ENPP3: variants seen among roughly 807,000 people sequenced by gnomAD.
ENPP3 encodes the protein ectonucleotide pyrophosphatase/phosphodiesterase 3, also known as ectonucleotide pyrophosphatase/phosphodiesterase family member 3.
In ENPP3, 104 loss-of-function variants were observed where a neutral mutation model predicts 117.8. The ratio of observed to expected loss-of-function variants is 0.88; its 90% CI spans 0.75 to 1.04. ENPP3 has a LOEUF of 1.04. ENPP3 is among the 50% of genes least tolerant of loss of function. The pLI, the probability that ENPP3 is intolerant of heterozygous loss-of-function variation, is 0.00. For missense variants in ENPP3, 1,026 were observed against 1,051.9 expected (o/e 0.98, Z 0.34); for synonymous variants, 380 against 349.9 (o/e 1.09, Z -0.96).
intron 2 of ENPP3, among the ~76,000 whole-genome samples, chr6:131,644,629 C>T (rs1185024958): frequency 1.3e-5 from 2 of 152,112 alleles, no homozygotes; most frequent in Non-Finnish European, 2.9e-5. Flanking sequence ...AAATCAGGAG[C>T]TCAGTTTTGG....
intron 24 of ENPP3, among the ~76,000 whole-genome samples, chr6:131,742,805 T>C (rs1181784407): frequency 6.6e-6 from 1 of 152,182 alleles, no homozygotes; most frequent in African/African-American, 2.4e-5. Context: ...TAGAATTTCA[T>C]TCTTTTCCAT....
At chr6:131,723,335 A>T (rs901971073) in intron 18 of ENPP3, among the ~76,000 whole-genome samples, 4 of 152,200 alleles carry the variant, frequency 2.6e-5, no homozygotes, top group African/African-American at 9.6e-5. Context: ...CTCAATGAAG[A>T]TCAAATCCAC....
intron 21 of ENPP3, among the ~76,000 whole-genome samples, chr6:131,734,071 C>T (rs111929614): frequency 2.0e-4 from 30 of 152,250 alleles, no homozygotes; most frequent in African/African-American, 6.7e-4. Flanking sequence ...CTGGAGAATA[C>T]AGCTGTGCCC....
intron 21 of ENPP3, among the ~76,000 whole-genome samples, chr6:131,734,624 C>T (rs1211374664): frequency 1.3e-5 from 2 of 151,968 alleles, no homozygotes; most frequent in African/African-American, 2.4e-5. Flanking sequence ...AGGCTGGGTG[C>T]GGTGGCTCAC....
At chr6:131,738,758 C>T (rs1780458394) in intron 23 of ENPP3, among the ~76,000 whole-genome samples, 1 of 152,150 alleles carries the variant, frequency 6.6e-6, no homozygotes, top group Non-Finnish European at 1.5e-5. Context: ...GAAGTTTCAT[C>T]TACCATTTCT....
rs73552679 is a variant in ENPP3, at chr6:131,688,059, G to A, written c.1284+2152G>A. The stretch of plus-strand genomic sequence containing the variant: ...CAGCATGTGCCCGCTTCATGTGTCT[G>A]TGTCACCTTTTGTTAATTCTCACAG... On this transcript the variant is annotated intron_variant, in intron 14 of 24. Transcript: ENST00000357639. Among the ~76,000 whole-genome samples the A allele has an allele frequency of 8.5e-3, 1,298 of 152,220 alleles. 19 individuals carry two copies. Among genetic ancestry groups the A allele is most frequent in the African/African-American group, 0.03 (1,240 of 41,538 alleles).
At chr6:131,668,332 C>CG (rs371810010) in intron 6 of ENPP3, among the ~76,000 whole-genome samples, 2 of 147,608 alleles carry the variant, frequency 1.4e-5, no homozygotes, top group African/African-American at 4.9e-5. Context: ...CCTGTCTCGC[C>CG]CCCCCCTGAG....
intron 14 of ENPP3, among the ~76,000 whole-genome samples, chr6:131,689,266 AG>A (rs1779226418): frequency 6.6e-6 from 1 of 152,216 alleles, no homozygotes. Context: ...GATGCCATCT[AG>A]GACTTTCATA....
chr6:131,738,451 G>A (rs562554326), intron 23 of ENPP3, among the ~76,000 whole-genome samples: 2 of 152,030 alleles, frequency 1.3e-5, no homozygotes, highest in South Asian at 4.1e-4. Flanking sequence ...GGCTAAGGAG[G>A]TAGACAAAAC....
chr6:131,717,433 T>G (rs1343345304), intron 15 of ENPP3, among the ~76,000 whole-genome samples: 127 of 100,034 alleles, frequency 1.3e-3, no homozygotes, highest in African/African-American at 4.5e-3. Context: ...GAGGTGAGGG[T>G]GGGGAAGAAA....
chr6:131,647,316 TATA>T (rs1397589066), intron 2 of ENPP3, among the ~76,000 whole-genome samples: 1 of 152,222 alleles, frequency 6.6e-6, no homozygotes, highest in African/African-American at 2.4e-5. Flanking sequence ...CAGAAATGCT[TATA>T]ATGTTATTTT....
Position 131,740,344 on chromosome 6 carries a change from C to G in ENPP3, c.2421C>G (p.Ile807Met). 2 of 1,611,758 alleles carry G rather than the reference C, an allele frequency of 1.2e-6. No homozygotes were observed. The highest frequency in any genetic ancestry group is 3.4e-5 in the Admixed American group (2 of 59,694). Residue 807 changes from isoleucine (I) to methionine (M), a missense_variant, in exon 24 of 25, where the codon ATC (isoleucine) becomes ATG (methionine). Ile to Met is a conservative substitution (Grantham distance 10). Transcript: ENST00000357639. ...GGTGGCTGGATGTCCTACCCTTTATCATCCCTCACCGACCTACCAACGTGG... is the reference window on the plus strand; with the variant it reads ...GGTGGCTGGATGTCCTACCCTTTATGATCCCTCACCGACCTACCAACGTGG... Reference protein sequence around the residue: ...CPGWLDVLPFIIPHRPTNVES... With the variant: ...CPGWLDVLPFMIPHRPTNVES...
intron 10 of ENPP3, 60 bp downstream of exon 10, chr6:131,676,861 G>GA: frequency 1.2e-6 from 1 of 865,056 alleles, no homozygotes. Context: ...AAAAAATGAA[G>GA]TTTTTTTTTT....
intron 18 of ENPP3, among the ~76,000 whole-genome samples, chr6:131,723,827 T>TCACACACA (rs1554268188): frequency 5.1e-4 from 75 of 145,944 alleles, no homozygotes; most frequent in African/African-American, 1.6e-3. Flanking sequence ...TCTCTCTCTC[T>TCACACACA]CACACACACA....
chr6:131,725,054 CAAAAAA>C (rs34304450), intron 19 of ENPP3, among the ~76,000 whole-genome samples: 1 of 87,392 alleles, frequency 1.1e-5, no homozygotes, highest in Non-Finnish European at 3.0e-5. Flanking sequence ...ACTAAAAATA[CAAAAAA>C]AAAAAAAAAA....
At chr6:131,665,006 GATC>G (rs1288779407) in intron 6 of ENPP3, among the ~76,000 whole-genome samples, 8 of 152,092 alleles carry the variant, frequency 5.3e-5, no homozygotes, top group African/African-American at 1.4e-4. Flanking sequence ...CTATTGAAAT[GATC>G]ATGTAATTTT....
Position 131,720,346 on chromosome 6 carries a change from T to C in ENPP3, c.1534T>C (p.Phe512Leu). 1 of 1,597,812 alleles carries C rather than the reference T, an allele frequency of 6.3e-7. No individual in the cohort carries two copies. The highest frequency in any genetic ancestry group is 8.5e-7 in the Non-Finnish European group (1 of 1,170,204). Residue 512 changes from phenylalanine (F) to leucine (L), a missense_variant, in exon 17 of 25, where the codon TTT (phenylalanine) becomes CTT (leucine). Physicochemically the swap from Phe to Leu is conservative, Grantham distance 22 (BLOSUM62 0). Coordinates refer to ENST00000357639, the MANE Select transcript of ENPP3 (RefSeq NM_005021.5). Reference protein sequence around the residue: ...SFKEKTEVEPFENIEVYNLMC... With the variant: ...SFKEKTEVEPLENIEVYNLMC... The stretch of plus-strand genomic sequence containing the variant: ...TAAAGAGAAGACTGAAGTTGAACCA[T>C]TTGAAAATATTGAAGTCTATAACCT...
chr6:131,642,247 G>A (rs1678480276), intron 2 of ENPP3, among the ~76,000 whole-genome samples: 1 of 151,948 alleles, frequency 6.6e-6, no homozygotes, highest in Non-Finnish European at 1.5e-5. Context: ...CCACCACCCT[G>A]TACCTTGACA....
chr6:131,647,919 G>A (rs1347760848), intron 2 of ENPP3, among the ~76,000 whole-genome samples: 1 of 151,940 alleles, frequency 6.6e-6, no homozygotes, highest in Non-Finnish European at 1.5e-5. Context: ...TCACATTATT[G>A]TATATTCTTG....
Sources: gnomAD v4.1 joint callset for allele counts (sites outside exome capture counted in the v4.1 genomes callset) on GRCh38, gnomAD v4.1.1 for gene constraint, MANE v1.5 for transcripts, NCBI Gene and HGNC (gene_info 2026-07-23, HGNC 2026-07-21) for gene names.